CX3CR1: variants seen among roughly 807,000 people sequenced by gnomAD.
The protein encoded by CX3CR1 is C-X3-C motif chemokine receptor 1.
For synonymous variants in CX3CR1, 168 were observed against 178.5 expected, an observed-to-expected ratio of 0.94 and a Z score of 0.47; for missense variants, 363 against 432.4, an observed-to-expected ratio of 0.84 and a Z score of 1.42.
At chr3:39,288,249 C>T in the CX3CR1 span, among the ~76,000 whole-genome samples, 2 of 152,178 alleles carry the variant, frequency 1.3e-5, no homozygotes, top group Non-Finnish European at 2.9e-5. Flanking sequence ...CACTTTTGTA[C>T]ACAAGCAATG....
chr3:39,273,678 G>T (rs1020111136), intron 1 of CX3CR1, among the ~76,000 whole-genome samples: 3 of 152,180 alleles, frequency 2.0e-5, no homozygotes, highest in African/African-American at 4.8e-5. Flanking sequence ...TCGCTCTGTT[G>T]CCCAGGCTGG....
upstream of CX3CR1, chr3:39,280,265 G>A: frequency 1.4e-5 from 14 of 985,654 alleles, no homozygotes; most frequent in Non-Finnish European, 1.7e-5. Flanking sequence ...CTGGAGGTGG[G>A]GGGCAGGGAG....
intron 1 of CX3CR1, chr3:39,266,788 A>ATTT: frequency 8.0e-6 from 4 of 497,198 alleles, no homozygotes; most frequent in Non-Finnish European, 1.1e-5. Context: ...GGCTCTAGGC[A>ATTT]TTTTTTTTTT....
At chr3:39,286,523 C>T (rs1388689687), upstream of CX3CR1, 1 of 151,530 alleles carries the variant, frequency 6.6e-6, no homozygotes, top group Admixed American at 6.6e-5. Flanking sequence ...CGGTGGCGGG[C>T]GCCTGTAGTC....
chr3:39,290,390 T>C, the CX3CR1 span, among the ~76,000 whole-genome samples: 1 of 152,204 alleles, frequency 6.6e-6, no homozygotes, highest in African/African-American at 2.4e-5. Context: ...CTTTGAGCCT[T>C]TTCCAAACAT....
chr3:39,292,893 T>C, the CX3CR1 span, among the ~76,000 whole-genome samples: 1 of 152,258 alleles, frequency 6.6e-6, no homozygotes, highest in Non-Finnish European at 1.5e-5. Context: ...CAATCTTCTT[T>C]CTACAACATC....
At position 39,265,408 on chromosome 3, in the gene CX3CR1, G is replaced by A; in HGVS notation, c.*34C>T. ...GTCAGCATCAGGTTCAGGAACTCCA[G>A]GTTCTCTGTAGACACAAGGCTTTGG... On this transcript the variant is annotated 3_prime_UTR_variant, in exon 2 of 2. Transcript: ENST00000399220. 7 of 1,548,580 alleles carry A rather than the reference G, an allele frequency of 4.5e-6. No individual in the cohort carries two copies. Among genetic ancestry groups the A allele is most frequent in the Non-Finnish European group, 5.2e-6 (6 of 1,148,702 alleles).
upstream of CX3CR1, chr3:39,285,847 A>C (rs1488195465): frequency 6.6e-6 from 1 of 152,226 alleles, no homozygotes; most frequent in Non-Finnish European, 1.5e-5. Flanking sequence ...ATTCAAATTA[A>C]TTGCCAAAAT....
intron 1 of CX3CR1, among the ~76,000 whole-genome samples, chr3:39,267,944 C>G (rs558041553): frequency 6.6e-6 from 1 of 152,230 alleles, no homozygotes; most frequent in African/African-American, 2.4e-5. Context: ...GGCGTCTCCT[C>G]GTGATACCAC....
At chr3:39,276,849 G>T (rs2040846271) in intron 1 of CX3CR1, among the ~76,000 whole-genome samples, 1 of 152,164 alleles carries the variant, frequency 6.6e-6, no homozygotes, top group South Asian at 2.1e-4. Context: ...TCAAACTATA[G>T]GGAAAAGCAA....
chr3:39,267,426 T>C (rs144496041), intron 1 of CX3CR1, among the ~76,000 whole-genome samples: 50 of 152,278 alleles, frequency 3.3e-4, no homozygotes, highest in South Asian at 6.2e-4. Context: ...TTGAGAACCA[T>C]TTCACCTCCT....
At chr3:39,283,560 T>A (rs2040921529), upstream of CX3CR1, among the ~76,000 whole-genome samples, 1 of 151,546 alleles carries the variant, frequency 6.6e-6, no homozygotes. Context: ...CGTGGGTGGA[T>A]CACGAGATCA....
chr3:39,291,617 T>C, the CX3CR1 span, among the ~76,000 whole-genome samples: 1 of 152,196 alleles, frequency 6.6e-6, no homozygotes, highest in South Asian at 2.1e-4. Context: ...TCTCAGATAC[T>C]TTTTGGTTTA....
chr3:39,280,328 C>G (rs1300804615), upstream of CX3CR1: 1 of 985,326 alleles, frequency 1.0e-6, no homozygotes, highest in Admixed American at 6.2e-5. Flanking sequence ...TAATGGGGAG[C>G]CTTCAGGAAG....
upstream of CX3CR1, chr3:39,281,348 T>A (rs1203994812): frequency 8.7e-5 from 64 of 734,992 alleles, no homozygotes; most frequent in East Asian, 1.7e-4. Context: ...ATACCTCTCC[T>A]GGGGTCCACT....
At chr3:39,286,706 G>A (rs980883577), upstream of CX3CR1, 15 of 151,174 alleles carry the variant, frequency 9.9e-5, no homozygotes, top group African/African-American at 3.6e-4. Context: ...AAATGAAGTT[G>A]GGGGGTGGGA....
chr3:39,283,840 T>TAA (rs1553606483), upstream of CX3CR1, among the ~76,000 whole-genome samples: 108 of 115,284 alleles, frequency 9.4e-4, no homozygotes, highest in Middle Eastern at 4.4e-3. Context: ...TATATATATA[T>TAA]AATGTGGTTA....
chr3:39,279,984 T>C lies in CX3CR1; in HGVS notation c.-40A>G, dbSNP rs896253700. ...GTGGACTGCCAAGGGAACCTCTGGA[T>C]CTGCCAGTCAGCCACCCTGTCCTGC... On this transcript the variant is annotated 5_prime_UTR_variant, in exon 1 of 2. Coordinates refer to ENST00000399220, the MANE Select transcript of CX3CR1 (RefSeq NM_001337.4). The C allele has an allele frequency of 1.2e-5, 12 of 985,426 alleles. No individual in the cohort carries two copies. The highest frequency in any genetic ancestry group is 1.4e-5 in the Non-Finnish European group (12 of 830,016). 61.0% of individuals were successfully genotyped at this position (985,426 alleles called of 1,614,324 possible). A position where few individuals can be genotyped will look rare whatever the true frequency, so the allele number is the denominator to read the frequency against.
upstream of CX3CR1, among the ~76,000 whole-genome samples, chr3:39,283,342 T>C (rs748919749): frequency 6.6e-6 from 1 of 152,174 alleles, no homozygotes; most frequent in African/African-American, 2.4e-5. Context: ...TGTGCATTCT[T>C]AGTAGAGGTG....
Sources: gnomAD v4.1 joint callset for allele counts (sites outside exome capture counted in the v4.1 genomes callset) on GRCh38, gnomAD v4.1.1 for gene constraint, MANE v1.5 for transcripts, NCBI Gene and HGNC (gene_info 2026-07-23, HGNC 2026-07-21) for gene names.